Variants in PAX5 observed in about 807,000 individuals in gnomAD.
PAX5 encodes paired box protein Pax-5.
A neutral mutation model predicts 43.7 loss-of-function variants in PAX5; 9 were observed. The observed-to-expected ratio is 0.21, with a 90% confidence interval of 0.12 to 0.36. The LOEUF is 0.36. Ranked by LOEUF, PAX5 falls within the 10% of genes least tolerant of loss-of-function variation. The pLI is 1.00. For synonymous variants in PAX5, 228 were observed against 214.3 expected (o/e 1.06, Z -0.56); for missense variants, 383 against 532.7 (o/e 0.72, Z 2.77).
intron 7 of PAX5, among the ~76,000 whole-genome samples, chr9:36,887,194 A>C (rs1325736458): frequency 2.0e-5 from 3 of 152,232 alleles, no homozygotes; most frequent in Non-Finnish European, 2.9e-5. Context: ...GCCCTCCCAG[A>C]TGCTAAAACA....
chr9:37,002,844 C>A lies in PAX5; in HGVS notation c.476-68G>T, dbSNP rs944505595. On this transcript the variant is annotated intron_variant, in intron 4 of 9. Coordinates refer to ENST00000358127, the MANE Select transcript of PAX5 (RefSeq NM_016734.3). Reference sequence around the variant, plus strand: ...GGGCGGCGGACCGGCTGTCACCGCACGTGAGGCTGGGGGCGGCTGGGAGGG... The same window carrying A: ...GGGCGGCGGACCGGCTGTCACCGCAAGTGAGGCTGGGGGCGGCTGGGAGGG... 38 of 1,491,108 alleles carry A rather than the reference C, an allele frequency of 2.5e-5. No homozygotes were observed. The East Asian group carries it at 8.1e-4, about 32-fold the overall frequency. The allele number at this position is 1,491,108 out of a possible 1,614,324, so 92.4% of individuals were successfully genotyped here. A position where few individuals can be genotyped will look rare whatever the true frequency, so the allele number is the denominator to read the frequency against.
intron 6 of PAX5, among the ~76,000 whole-genome samples, chr9:36,953,613 T>C (rs1033360260): frequency 3.3e-5 from 5 of 152,210 alleles, no homozygotes; most frequent in African/African-American, 9.7e-5. Flanking sequence ...TCCAGTCTAG[T>C]GATGAGCCCA....
chr9:36,890,714 C>A (rs1204014546), intron 7 of PAX5, among the ~76,000 whole-genome samples: 3 of 152,188 alleles, frequency 2.0e-5, no homozygotes, highest in Admixed American at 6.5e-5. Context: ...TGCCTGCTCG[C>A]TGTGGCCTCC....
chr9:36,972,643 G>A (rs116352495), intron 5 of PAX5, among the ~76,000 whole-genome samples: 6 of 152,308 alleles, frequency 3.9e-5, no homozygotes, highest in African/African-American at 1.4e-4. Flanking sequence ...AGGCCTGTTG[G>A]TTGGGGGTGG....
At chr9:36,907,101 C>T (rs999002253) in intron 7 of PAX5, among the ~76,000 whole-genome samples, 4 of 152,064 alleles carry the variant, frequency 2.6e-5, no homozygotes, top group South Asian at 2.1e-4. Context: ...GGAAGCAGGA[C>T]CGTAGAGGAG....
At chr9:36,975,222 C>T (rs2132245002) in intron 5 of PAX5, among the ~76,000 whole-genome samples, 1 of 152,250 alleles carries the variant, frequency 6.6e-6, no homozygotes, top group East Asian at 1.9e-4. Context: ...CAAGATAACA[C>T]AGCAGAGCAC....
At chr9:36,857,760 G>A (rs1374237248) in intron 8 of PAX5, among the ~76,000 whole-genome samples, 1 of 152,210 alleles carries the variant, frequency 6.6e-6, no homozygotes, top group Non-Finnish European at 1.5e-5. Context: ...TAAGCAGGAC[G>A]CACACGGTGC....
chr9:36,930,490 G>A (rs539264411), intron 6 of PAX5, among the ~76,000 whole-genome samples: 1 of 152,312 alleles, frequency 6.6e-6, no homozygotes, highest in Non-Finnish European at 1.5e-5. Flanking sequence ...ACCTCCCAAA[G>A]TGCTGGGATT....
intron 6 of PAX5, among the ~76,000 whole-genome samples, chr9:36,937,914 C>T (rs1831699651): frequency 6.6e-6 from 1 of 152,138 alleles, no homozygotes; most frequent in African/African-American, 2.4e-5. Flanking sequence ...TAACATGTGG[C>T]ACTGTTAGCA....
At chr9:36,916,003 G>T (rs1352493675) in intron 7 of PAX5, among the ~76,000 whole-genome samples, 2 of 151,156 alleles carry the variant, frequency 1.3e-5, no homozygotes, top group South Asian at 2.1e-4. Flanking sequence ...GGTTGAGGCT[G>T]CAGTGAGCCA....
Position 37,034,109 on chromosome 9 carries a change from T to C in PAX5, c.-78A>G, listed in dbSNP as rs1022165794. On this transcript the variant is annotated 5_prime_UTR_variant, in exon 1 of 10. Coordinates refer to ENST00000358127, the MANE Select transcript of PAX5 (RefSeq NM_016734.3). ...GTGCCTTTTTTTTTCTTTTTTTTTT[T>C]TTTTTTTTTTTTTTTTTGGTGCCAG... 9.5e-5 allele frequency: 78 copies of C among 817,906 alleles called. No homozygotes were observed. In the East Asian group the frequency reaches 1.1e-3, roughly 12 times the overall value. The allele number at this position is 817,906 out of a possible 1,614,324, so 50.7% of individuals were successfully genotyped here.
intron 5 of PAX5, among the ~76,000 whole-genome samples, chr9:36,989,062 G>A (rs1291725963): frequency 6.6e-6 from 1 of 152,220 alleles, no homozygotes; most frequent in African/African-American, 2.4e-5. Context: ...GGCTGCGCTT[G>A]AAGGTGACCA....
In PAX5 at chr9:36,837,505, G is replaced by A. The variant is rs933202946; in HGVS notation, c.*3055C>T. ...GCCCCAGGCCTTCTGCCACGATGCTGGTGAGGCCCCGGACTTGTGTTTTCC... is the reference window on the plus strand; with the variant it reads ...GCCCCAGGCCTTCTGCCACGATGCTAGTGAGGCCCCGGACTTGTGTTTTCC... On this transcript the variant is annotated 3_prime_UTR_variant, in exon 10 of 10. Transcript: ENST00000358127. 2.6e-5 allele frequency: 6 copies of A among 233,250 alleles called. No individual in the cohort carries two copies. Among genetic ancestry groups the A allele is most frequent in the African/African-American group, 8.8e-5 (4 of 45,372 alleles). 14.4% of individuals were successfully genotyped at this position (233,250 alleles called of 1,614,324 possible). A position where few individuals can be genotyped will look rare whatever the true frequency, so the allele number is the denominator to read the frequency against.
chr9:36,944,793 A>G (rs191439377), intron 6 of PAX5, among the ~76,000 whole-genome samples: 1 of 152,368 alleles, frequency 6.6e-6, no homozygotes, highest in East Asian at 1.9e-4. Flanking sequence ...CAGTTACCCA[A>G]TTGAATGGCT....
Position 36,952,356 on chromosome 9 carries a change from C to T in PAX5, c.780+14193G>A, listed in dbSNP as rs577990033. 1.0e-3 allele frequency among the ~76,000 whole-genome samples: 154 copies of T among 148,484 alleles called. 1 individual carries two copies. The highest frequency in any genetic ancestry group is 3.8e-3 in the African/African-American group (152 of 40,388). On this transcript the variant is annotated intron_variant, in intron 6 of 9. Transcript: ENST00000358127. ...CCAAGTTCAAGTAATTCTCCTGTCT[C>T]GGCCTCCCAAGTAGCTGGGATTACA...
intron 1 of PAX5, among the ~76,000 whole-genome samples, chr9:37,032,399 G>C (rs1841071183): frequency 6.6e-6 from 1 of 152,162 alleles, no homozygotes; most frequent in South Asian, 2.1e-4. Context: ...AGGTCTCTCT[G>C]AAAGTCCATC....
At chr9:36,940,292 C>T (rs537254526) in intron 6 of PAX5, among the ~76,000 whole-genome samples, 16 of 152,178 alleles carry the variant, frequency 1.1e-4, no homozygotes, top group Non-Finnish European at 2.2e-4. Flanking sequence ...TATTTAGGCG[C>T]AGTAAGGACA....
chr9:36,875,549 C>A (rs1257790985), intron 8 of PAX5, among the ~76,000 whole-genome samples: 2 of 152,072 alleles, frequency 1.3e-5, no homozygotes, highest in Admixed American at 1.3e-4. Flanking sequence ...ATTGTGGCCC[C>A]CCCCAAAAAT....
At chr9:36,868,368 C>T (rs575717964) in intron 8 of PAX5, among the ~76,000 whole-genome samples, 1 of 152,378 alleles carries the variant, frequency 6.6e-6, no homozygotes, top group African/African-American at 2.4e-5. Context: ...GAATTCCGGG[C>T]AGCCCTGACC....
Sources: gnomAD v4.1 joint callset for allele counts (sites outside exome capture counted in the v4.1 genomes callset) on GRCh38, gnomAD v4.1.1 for gene constraint, MANE v1.5 for transcripts, NCBI Gene and HGNC (gene_info 2026-07-23, HGNC 2026-07-21) for gene names.